Variants in SNX8 observed in about 807,000 individuals in gnomAD.
SNX8 encodes sorting nexin 8.
In SNX8, 25 loss-of-function variants were observed where a neutral mutation model predicts 51.6. The observed-to-expected ratio is 0.48, with a 90% confidence interval of 0.35 to 0.68. SNX8 has a LOEUF of 0.68. Ranked by LOEUF, SNX8 falls within the 30% of genes least tolerant of loss-of-function variation. The pLI, the probability that SNX8 is intolerant of heterozygous loss-of-function variation, is 0.00. For missense variants in SNX8, 695 were observed against 624.0 expected (o/e 1.11, Z -1.21); for synonymous variants, 324 against 277.0 (o/e 1.17, Z -1.68).
rs530252082 is a variant in SNX8 at position 2,289,852 on chromosome 7, G to A, written c.95-11547C>T. ...GCGGAGGCTACAGTGAGCCATGATC[G>A]AGCCACTACGCTCCTGCCTGGGCAA... On this transcript the variant is annotated intron_variant, in intron 1 of 10. Transcript: ENST00000222990. 4.6e-5 allele frequency among the ~76,000 whole-genome samples: 7 copies of A among 152,248 alleles called. No individual in the cohort carries two copies. The East Asian group carries it at 1.2e-3, about 25-fold the overall frequency.
Position 2,278,055 on chromosome 7 carries a change from T to C in SNX8, c.300+45A>G, listed in dbSNP as rs200080927. 7.9e-4 allele frequency: 1,254 copies of C among 1,593,114 alleles called. 14 individuals carry two copies. In the African/African-American group the frequency reaches 0.015, roughly 19 times the overall value. On this transcript the variant is annotated intron_variant, in intron 2 of 10. Transcript: ENST00000222990. ...GCCCTGAGATGTTGAGACGTGACCC[T>C]TTCTTCCCCCTCCTGCCCCGACACA...
intron 1 of SNX8, among the ~76,000 whole-genome samples, chr7:2,331,435 G>A (rs1356234116): frequency 1.3e-5 from 2 of 151,878 alleles, no homozygotes; most frequent in East Asian, 1.9e-4. Context: ...GGCCAGGCGC[G>A]GTGGCTCATG....
chr7:2,350,929 G>C (rs1779124376), intron 1 of SNX8, among the ~76,000 whole-genome samples: 2 of 152,018 alleles, frequency 1.3e-5, no homozygotes, highest in Admixed American at 6.6e-5. Context: ...TTACCGGTGG[G>C]AGCCACTGTG....
intron 1 of SNX8, chr7:2,310,080 C>T (rs545113124): frequency 2.8e-6 from 1 of 352,866 alleles, no homozygotes; most frequent in African/African-American, 2.1e-5. Flanking sequence ...AATGTAGGGC[C>T]GCAGGACTGT....
chr7:2,327,908 G>T (rs373263798), intron 1 of SNX8, among the ~76,000 whole-genome samples: 12 of 152,138 alleles, frequency 7.9e-5, no homozygotes, highest in African/African-American at 2.9e-4. Flanking sequence ...TGTCACCCAG[G>T]CTGGAGTGCA....
chr7:2,314,529 C>T (rs1293587297), upstream of SNX8: 31 of 1,061,846 alleles, frequency 2.9e-5, no homozygotes, highest in Admixed American at 1.2e-3. Flanking sequence ...CCCCCTCCCC[C>T]GCGCGCCACG....
intron 1 of SNX8, among the ~76,000 whole-genome samples, chr7:2,348,950 C>CAAA (rs60816121): frequency 7.5e-4 from 42 of 55,708 alleles, no homozygotes; most frequent in Admixed American, 9.0e-4. Flanking sequence ...GACTCTGTCT[C>CAAA]AAAAAAAAAA....
chr7:2,265,875 G>A (rs1157764715), intron 5 of SNX8, among the ~76,000 whole-genome samples: 3 of 151,816 alleles, frequency 2.0e-5, no homozygotes, highest in Non-Finnish European at 2.9e-5. Context: ...ACTTTGGGGG[G>A]CCATGCCAGG....
chr7:2,314,314 G>A lies in SNX8; in HGVS notation c.94+14C>T. 1 of 1,220,852 alleles carries A rather than the reference G, an allele frequency of 8.2e-7. No homozygotes were observed. The highest frequency in any genetic ancestry group is 1.0e-6 in the Non-Finnish European group (1 of 980,712). The allele number at this position is 1,220,852 out of a possible 1,614,324, so 75.6% of individuals were successfully genotyped here. ...CCCTGGGCAGGTGGGGGCTACCGCC[G>A]CCCCACGCCCTACCTGACGCCGGGG... On this transcript the variant is annotated intron_variant, in intron 1 of 10. Coordinates refer to ENST00000222990, the MANE Select transcript of SNX8 (RefSeq NM_013321.4).
intron 1 of SNX8, among the ~76,000 whole-genome samples, chr7:2,345,860 T>G (rs1408476642): frequency 2.6e-5 from 4 of 152,066 alleles, no homozygotes; most frequent in Non-Finnish European, 5.9e-5. Context: ...CAGGCTGAAG[T>G]GCAGTGGCAA....
In SNX8 at chr7:2,264,290, T is replaced by A; in HGVS notation, c.782+8A>T. 1 of 1,604,112 alleles carries A rather than the reference T, an allele frequency of 6.2e-7. No individual in the cohort carries two copies. On this transcript the variant is annotated splice_region_variant and intron_variant, in intron 6 of 10. Coordinates refer to ENST00000222990, the MANE Select transcript of SNX8 (RefSeq NM_013321.4). ...GCGTGCCCCTGCAGAAGCTGAAAGG[T>A]CACCTACCTTAGCTCCTTCCCGAAT...
intron 5 of SNX8, among the ~76,000 whole-genome samples, chr7:2,265,769 T>A (rs1394397731): frequency 6.6e-6 from 1 of 152,202 alleles, no homozygotes; most frequent in Non-Finnish European, 1.5e-5. Flanking sequence ...TAAGATTTGA[T>A]ACTAACTATC....
intron 5 of SNX8, among the ~76,000 whole-genome samples, chr7:2,266,575 G>C (rs113987903): frequency 0.02 from 3,001 of 152,226 alleles, 38 homozygotes; most frequent in South Asian, 0.043. Flanking sequence ...TTGAACTCCT[G>C]ACCTCGTGAT....
chr7:2,341,988 G>A (rs911293528), intron 1 of SNX8, among the ~76,000 whole-genome samples: 3 of 150,558 alleles, frequency 2.0e-5, no homozygotes, highest in African/African-American at 7.3e-5. Context: ...GGCCGGGCCC[G>A]GTGGCTCACG....
At chr7:2,337,159 G>C (rs1778846144) in intron 1 of SNX8, 1 of 152,066 alleles carries the variant, frequency 6.6e-6, no homozygotes, top group African/African-American at 2.4e-5. Context: ...TAGCATATAA[G>C]ATCCGTGCAT....
chr7:2,345,025 A>G (rs1351244886), intron 1 of SNX8, among the ~76,000 whole-genome samples: 1 of 152,198 alleles, frequency 6.6e-6, no homozygotes, highest in African/African-American at 2.4e-5. Context: ...GTAAATTGGT[A>G]CAGATACTTT....
At chr7:2,319,601 G>A (rs575454284) in intron 1 of SNX8, among the ~76,000 whole-genome samples, 1 of 152,150 alleles carries the variant, frequency 6.6e-6, no homozygotes, top group Admixed American at 6.5e-5. Context: ...AGATCACAAG[G>A]TCAGGAGATC....
intron 1 of SNX8, chr7:2,307,628 T>C (rs1277316309): frequency 1.7e-5 from 2 of 120,480 alleles, no homozygotes; most frequent in Non-Finnish European, 3.3e-5. Context: ...GCAAAAACTT[T>C]GTCTCCAAAA....
chr7:2,346,677 C>T lies in SNX8; in HGVS notation c.-66+7545G>A, dbSNP rs375329430. Among the ~76,000 whole-genome samples, 171 of 124,088 alleles carry T rather than the reference C, an allele frequency of 1.4e-3. 2 individuals are homozygous for T. In the Middle Eastern group the frequency reaches 0.022, roughly 16 times the overall value. 81.4% of individuals were successfully genotyped at this position (124,088 alleles called of 152,430 possible). ...AGGAGAATGGCGTGAACCTGGGAGG[C>T]GGAGCTTGCAGTGAGCTGAGATTGC... On this transcript the variant is annotated intron_variant, in intron 1 of 5. Coordinates refer to the SNX8 transcript ENST00000435336.
Sources: gnomAD v4.1 joint callset for allele counts (sites outside exome capture counted in the v4.1 genomes callset) on GRCh38, gnomAD v4.1.1 for gene constraint, MANE v1.5 for transcripts, NCBI Gene and HGNC (gene_info 2026-07-23, HGNC 2026-07-21) for gene names.